The following MAPK9 variants were observed in gnomAD, a reference collection of about 807,000 sequenced individuals.
MAPK9 encodes Jun kinase.
In MAPK9, 30 loss-of-function variants were observed where a neutral mutation model predicts 57.1. The ratio of observed to expected loss-of-function variants is 0.53; its 90% CI spans 0.39 to 0.71. The LOEUF (loss-of-function observed/expected upper bound fraction) is 0.71. MAPK9 is among the 30% of genes least tolerant of loss of function. MAPK9 has a pLI of 0.00. For synonymous variants in MAPK9, 155 were observed against 177.0 expected, an observed-to-expected ratio of 0.88 and a Z score of 0.99; for missense variants, 362 against 521.0, an observed-to-expected ratio of 0.69 and a Z score of 2.97.
chr5:180,259,812 A>G (rs1053816526), intron 5 of MAPK9, among the ~76,000 whole-genome samples: 5 of 152,252 alleles, frequency 3.3e-5, no homozygotes, highest in African/African-American at 1.2e-4. Context: ...CTGGAGAGAA[A>G]CCCTATGACT....
intron 2 of MAPK9, among the ~76,000 whole-genome samples, chr5:180,279,254 C>T (rs1020208857): frequency 2.0e-5 from 3 of 152,318 alleles, no homozygotes; most frequent in Admixed American, 2.0e-4. Context: ...CCGTGCCCGG[C>T]CACCTTTAAC....
chr5:180,242,793 T>C (rs753262195), intron 7 of MAPK9, 38 bp from the exon 8 acceptor site: 2 of 1,533,596 alleles, frequency 1.3e-6, no homozygotes, highest in Non-Finnish European at 1.8e-6. Flanking sequence ...CTGAAGTACC[T>C]TGTATTCACA....
intron 1 of MAPK9, among the ~76,000 whole-genome samples, chr5:180,291,305 G>A (rs1278669125): frequency 6.6e-6 from 1 of 150,760 alleles, no homozygotes; most frequent in Admixed American, 6.6e-5. Context: ...GCGCGGGGAG[G>A]CGGGAGGCTG....
At chr5:180,259,405 A>G (rs1759674457) in intron 5 of MAPK9, among the ~76,000 whole-genome samples, 3 of 152,148 alleles carry the variant, frequency 2.0e-5, no homozygotes. Context: ...GTCTTCAGAC[A>G]TTCCAATTCT....
At chr5:180,253,557 A>C (rs1289472484) in intron 5 of MAPK9, 1 of 152,268 alleles carries the variant, frequency 6.6e-6, no homozygotes, top group African/African-American at 2.4e-5. Context: ...TAGATGTCCC[A>C]GATCCCCATC....
chr5:180,280,715 T>C, intron 1 of MAPK9, 107 bp from the exon 2 acceptor site: 1 of 848,758 alleles, frequency 1.2e-6, no homozygotes, highest in Non-Finnish European at 1.7e-6. Context: ...GGCTGTAAGT[T>C]GATAAAGTCA....
intron 5 of MAPK9, 79 bp from the exon 6 acceptor site, chr5:180,249,217 A>C: frequency 7.4e-7 from 1 of 1,354,016 alleles, no homozygotes; most frequent in Admixed American, 2.3e-5. Context: ...AGGGTCGTGA[A>C]GCCAGTGTGA....
At position 180,265,289 on chromosome 5, in the gene MAPK9, T is replaced by G. The variant is rs530311012; in HGVS notation, c.253-450A>C. ...CTAAAGAGGGTTAAAGAGCTGATCCTGCGGCAGGCCTCCATCCTGGCACCC... is the reference window on the plus strand; with the variant it reads ...CTAAAGAGGGTTAAAGAGCTGATCCGGCGGCAGGCCTCCATCCTGGCACCC... On this transcript the variant is annotated intron_variant, in intron 3 of 11. Transcript: ENST00000452135. 1.1e-3 allele frequency among the ~76,000 whole-genome samples: 166 copies of G among 152,344 alleles called. 1 individual carries two copies. Among genetic ancestry groups the G allele is most frequent in the African/African-American group, 3.7e-3 (152 of 41,576 alleles).
chr5:180,289,796 A>G (rs1763073818), intron 1 of MAPK9, among the ~76,000 whole-genome samples: 1 of 152,234 alleles, frequency 6.6e-6, no homozygotes, highest in African/African-American at 2.4e-5. Context: ...CTTGGCTCAC[A>G]GCATTAAAAA....
chr5:180,282,047 G>A (rs553027548), intron 1 of MAPK9, among the ~76,000 whole-genome samples: 1 of 152,302 alleles, frequency 6.6e-6, no homozygotes, highest in Admixed American at 6.5e-5. Context: ...TCTCCAGGCT[G>A]GCAGGTCACT....
intron 7 of MAPK9, 36 bp from the exon 8 acceptor site, chr5:180,242,791 C>A (rs377757994): frequency 6.5e-7 from 1 of 1,531,788 alleles, no homozygotes; most frequent in African/African-American, 1.4e-5. Flanking sequence ...AACTGAAGTA[C>A]CTTGTATTCA....
At chr5:180,291,754 C>T (rs2127640105) in intron 1 of MAPK9, 94 bp downstream of exon 1, 1 of 149,474 alleles carries the variant, frequency 6.7e-6, no homozygotes, top group East Asian at 2.0e-4. Flanking sequence ...CCGGCCCGCC[C>T]CGAAGCCCCC....
chr5:180,250,812 G>A (rs1758599556), intron 5 of MAPK9, among the ~76,000 whole-genome samples: 1 of 152,098 alleles, frequency 6.6e-6, no homozygotes. Flanking sequence ...GTACTGTGCA[G>A]ACACCCCCGG....
chr5:180,258,861 C>T (rs1369968372), intron 5 of MAPK9, among the ~76,000 whole-genome samples: 1 of 73,746 alleles, frequency 1.4e-5, no homozygotes, highest in African/African-American at 4.3e-5. Flanking sequence ...CCTGTCTCTA[C>T]TAAAAAAAAA....
rs1200131252 is a variant in MAPK9, at chr5:180,247,286, A to T, written c.688+153T>A. On this transcript the variant is annotated intron_variant, in intron 7 of 11. Coordinates refer to ENST00000452135, the MANE Select transcript of MAPK9 (RefSeq NM_002752.5). The surrounding 1 kb of genome is among the most constrained non-coding windows in gnomAD (Gnocchi z 4.5). ...ATGAAATTGAACCACTTGGCTTGTG[A>T]CACTAATTAACAAATACAGTAAAGC... 1.4e-6 allele frequency: 1 copy of T among 724,100 alleles called. No individual in the cohort carries two copies. The highest frequency in any genetic ancestry group is 2.3e-6 in the Non-Finnish European group (1 of 434,386). 44.9% of individuals were successfully genotyped at this position (724,100 alleles called of 1,614,324 possible). A position where few individuals can be genotyped will look rare whatever the true frequency, so the allele number is the denominator to read the frequency against.
At chr5:180,273,636 T>C (rs1761562515) in intron 2 of MAPK9, among the ~76,000 whole-genome samples, 1 of 152,264 alleles carries the variant, frequency 6.6e-6, no homozygotes, top group African/African-American at 2.4e-5. Flanking sequence ...GCCTTATATA[T>C]TTACAGCAAT....
intron 1 of MAPK9, among the ~76,000 whole-genome samples, chr5:180,283,626 T>C (rs1762494221): frequency 1.3e-5 from 2 of 152,226 alleles, no homozygotes; most frequent in Non-Finnish European, 2.9e-5. Context: ...GGTTTTAGAA[T>C]TGTAATTCCA....
intron 5 of MAPK9, among the ~76,000 whole-genome samples, chr5:180,260,545 T>C (rs941180043): frequency 2.0e-5 from 3 of 152,210 alleles, no homozygotes; most frequent in Admixed American, 6.5e-5. Context: ...GGACTGTTGA[T>C]TTCCACCTTA....
intron 1 of MAPK9, among the ~76,000 whole-genome samples, chr5:180,281,938 G>A (rs1020735913): frequency 2.0e-5 from 3 of 152,248 alleles, no homozygotes; most frequent in Middle Eastern, 3.4e-3. Context: ...AACCCGCACC[G>A]CAGGAGTCTC....
Sources: allele counts gnomAD v4.1 joint callset (sites outside exome capture counted in the v4.1 genomes callset), GRCh38; gene constraint gnomAD v4.1.1; non-coding constraint Gnocchi (gnomAD v3.1); transcripts MANE v1.5; gene names NCBI Gene and HGNC (gene_info 2026-07-23, HGNC 2026-07-21).